KPNA3: variants seen among roughly 807,000 people sequenced by gnomAD.
KPNA3 encodes importin subunit alpha-4.
Under a neutral mutation model 73.8 loss-of-function variants are expected in KPNA3, and 13 were observed. That is an observed-to-expected ratio of 0.18 (90% CI 0.11 to 0.28). The LOEUF is 0.28. Ranked by LOEUF, KPNA3 falls within the 10% of genes least tolerant of loss-of-function variation. The probability of loss-of-function intolerance (pLI) is 1.00; values close to 1 mark genes in which losing one functional copy is unlikely to be tolerated. For synonymous variants in KPNA3, 186 were observed against 206.9 expected (o/e 0.90, Z 0.87); for missense variants, 360 against 618.1 (o/e 0.58, Z 4.43).
intron 1 of KPNA3, among the ~76,000 whole-genome samples, chr13:49,754,619 T>TC (rs1491563321): frequency 2.4e-5 from 1 of 41,164 alleles, no homozygotes; most frequent in Non-Finnish European, 5.5e-5. Flanking sequence ...GCTAGTTCTT[T>TC]CAAAAAAAAA....
intron 10 of KPNA3, among the ~76,000 whole-genome samples, chr13:49,716,522 T>C (rs1436448182): frequency 6.6e-6 from 1 of 152,118 alleles, no homozygotes; most frequent in Non-Finnish European, 1.5e-5. Context: ...CATTGCAACC[T>C]CCACCTCCCC....
chr13:49,750,374 T>C (rs757707944), intron 1 of KPNA3, among the ~76,000 whole-genome samples: 1 of 152,226 alleles, frequency 6.6e-6, no homozygotes, highest in African/African-American at 2.4e-5. Flanking sequence ...GTTAGCAGAC[T>C]AGGTGCAGTG....
chr13:49,745,835 G>T (rs1316878765), intron 2 of KPNA3, among the ~76,000 whole-genome samples: 1 of 151,246 alleles, frequency 6.6e-6, no homozygotes, highest in East Asian at 2.0e-4. Context: ...AGGCTGAGGC[G>T]GGCAGATCAC....
chr13:49,781,529 T>A (rs1383547743), intron 1 of KPNA3, among the ~76,000 whole-genome samples: 2 of 152,218 alleles, frequency 1.3e-5, no homozygotes, highest in African/African-American at 4.8e-5. Flanking sequence ...AATTACTGGT[T>A]ATCATTATTT....
intron 1 of KPNA3, among the ~76,000 whole-genome samples, chr13:49,758,153 TA>T (rs1338188903): frequency 4.0e-5 from 6 of 151,746 alleles, no homozygotes; most frequent in Admixed American, 3.9e-4. Flanking sequence ...AACCACAAAC[TA>T]GAGGCCAAAA....
rs75105811 is a variant in KPNA3, at chr13:49,790,233, G to A, written c.69+2205C>T. On this transcript the variant is annotated intron_variant, in intron 1 of 16. Coordinates refer to ENST00000261667, the MANE Select transcript of KPNA3 (RefSeq NM_002267.4). Reference sequence around the variant, plus strand: ...TGTAGTTCGAACACTTTGGAAGGCCGAGGCGGGAGAATCACTGGAGCCCAG... The same window carrying A: ...TGTAGTTCGAACACTTTGGAAGGCCAAGGCGGGAGAATCACTGGAGCCCAG... Among the ~76,000 whole-genome samples, 1,088 of 152,282 alleles carry A rather than the reference G, an allele frequency of 7.1e-3. 7 individuals carry two copies. The highest frequency in any genetic ancestry group is 0.025 in the African/African-American group (1,026 of 41,560).
intron 1 of KPNA3, among the ~76,000 whole-genome samples, chr13:49,782,596 A>G (rs977886499): frequency 1.3e-5 from 2 of 152,132 alleles, no homozygotes; most frequent in African/African-American, 4.8e-5. Context: ...AATACTAAAT[A>G]GGCTGCGCGC....
rs74626362 is a variant in KPNA3, at chr13:49,701,775, G to A, written c.*25C>T. The A allele has an allele frequency of 1.5e-5, 21 of 1,383,100 alleles. No homozygotes were observed. The highest frequency in any genetic ancestry group is 9.9e-5 in the African/African-American group (7 of 70,446). The allele number at this position is 1,383,100 out of a possible 1,614,324, so 85.7% of individuals were successfully genotyped here. A position where few individuals can be genotyped will look rare whatever the true frequency, so the allele number is the denominator to read the frequency against. On this transcript the variant is annotated 3_prime_UTR_variant, in exon 17 of 17. Transcript: ENST00000261667. ...CTGGTGGTGCTTCATATTGAATGTG[G>A]GAAAGATGCTGCACTCAACTGAATT...
intron 2 of KPNA3, among the ~76,000 whole-genome samples, chr13:49,745,412 T>C (rs907276153): frequency 3.5e-5 from 5 of 141,156 alleles, no homozygotes; most frequent in African/African-American, 1.3e-4. Flanking sequence ...TAGGCTGGAG[T>C]GTAGTGGCGT....
chr13:49,701,652 AGTG>A lies in KPNA3; in HGVS notation c.*145_*147del. The A allele has an allele frequency of 2.6e-6, 2 of 767,028 alleles. No homozygotes were observed. Among genetic ancestry groups the A allele is most frequent in the African/African-American group, 3.4e-5 (2 of 58,812 alleles). The allele number at this position is 767,028 out of a possible 1,614,324, so 47.5% of individuals were successfully genotyped here. A position where few individuals can be genotyped will look rare whatever the true frequency, so the allele number is the denominator to read the frequency against. On this transcript the variant is annotated 3_prime_UTR_variant, in exon 17 of 17. Coordinates refer to ENST00000261667, the MANE Select transcript of KPNA3 (RefSeq NM_002267.4). ...TGATAGTGACTTTTGGCAACTGCAA[AGTG>A]ACTGAGACATGGCTTGCTTTAGAAG...
intron 1 of KPNA3, among the ~76,000 whole-genome samples, chr13:49,759,350 C>A (rs1006761456): frequency 6.6e-6 from 1 of 152,146 alleles, no homozygotes. Flanking sequence ...CTCAGCTGTT[C>A]CCAAACTTTT....
At chr13:49,744,073 CA>C (rs1346916008) in intron 2 of KPNA3, among the ~76,000 whole-genome samples, 3 of 152,152 alleles carry the variant, frequency 2.0e-5, no homozygotes, top group African/African-American at 7.2e-5. Context: ...TGGGGATAAC[CA>C]ATACCTAGAA....
intron 6 of KPNA3, among the ~76,000 whole-genome samples, chr13:49,730,754 T>A (rs1304141666): frequency 2.2e-5 from 3 of 134,202 alleles, no homozygotes; most frequent in African/African-American, 2.9e-5. Flanking sequence ...TATCTCCTAA[T>A]GCTATCCCTC....
At chr13:49,760,006 C>T (rs981199151) in intron 1 of KPNA3, among the ~76,000 whole-genome samples, 1 of 152,190 alleles carries the variant, frequency 6.6e-6, no homozygotes, top group African/African-American at 2.4e-5. Context: ...AGAAAACCAT[C>T]ACATATGATG....
chr13:49,730,487 TCTACC>T (rs1954452665), intron 6 of KPNA3, among the ~76,000 whole-genome samples: 1 of 101,388 alleles, frequency 9.9e-6, no homozygotes, highest in Non-Finnish European at 1.7e-5. Flanking sequence ...ACCACTGCAC[TCTACC>T]CTGGGCAACA....
At chr13:49,776,804 A>G (rs1228558760) in intron 1 of KPNA3, among the ~76,000 whole-genome samples, 3 of 152,240 alleles carry the variant, frequency 2.0e-5, no homozygotes, top group African/African-American at 7.2e-5. Context: ...TAATCTAAAA[A>G]GACAAAAAAA....
rs1954482539 is a variant in KPNA3, at chr13:49,732,794, A to C, written c.205-18T>G. 6.5e-7 allele frequency: 1 copy of C among 1,545,670 alleles called. No homozygotes were observed. The highest frequency in any genetic ancestry group is 8.9e-7 in the Non-Finnish European group (1 of 1,129,346). Reference sequence around the variant, plus strand: ...ACATTTTGCTTAAAAAGAAAAAAAAAATAGTTCAGCAGAGTTTATTAACAA... The same window carrying C: ...ACATTTTGCTTAAAAAGAAAAAAAACATAGTTCAGCAGAGTTTATTAACAA... On this transcript the variant is annotated intron_variant, in intron 3 of 16. Transcript: ENST00000261667.
At chr13:49,773,158 A>G (rs1414722707) in intron 1 of KPNA3, among the ~76,000 whole-genome samples, 1 of 152,222 alleles carries the variant, frequency 6.6e-6, no homozygotes, top group East Asian at 1.9e-4. Flanking sequence ...AATTCTGGAA[A>G]AGGCAAGCTG....
At chr13:49,729,539 C>A (rs570872837) in intron 6 of KPNA3, among the ~76,000 whole-genome samples, 61 of 152,178 alleles carry the variant, frequency 4.0e-4, no homozygotes, top group Non-Finnish European at 7.9e-4. Flanking sequence ...AATCCCAGCA[C>A]TTTGAGAGGC....
Sources: allele counts gnomAD v4.1 joint callset (sites outside exome capture counted in the v4.1 genomes callset), GRCh38; gene constraint gnomAD v4.1.1; transcripts MANE v1.5; gene names NCBI Gene and HGNC (gene_info 2026-07-23, HGNC 2026-07-21).